ARHGAP24: variants seen among roughly 807,000 people sequenced by gnomAD.
ARHGAP24 encodes rho GTPase-activating protein 24.
In ARHGAP24, 50 loss-of-function variants were observed where a neutral mutation model predicts 76.4. The observed-to-expected ratio is 0.65, with a 90% CI of 0.52 to 0.83. The LOEUF is 0.83. ARHGAP24 is among the 40% of genes least tolerant of loss of function. The pLI is 0.00. For synonymous variants in ARHGAP24, 345 were observed against 323.3 expected, an observed-to-expected ratio of 1.07 and a Z score of -0.72; for missense variants, 930 against 914.2, an observed-to-expected ratio of 1.02 and a Z score of -0.22.
intron 3 of ARHGAP24, among the ~76,000 whole-genome samples, chr4:85,796,096 T>A (rs963411758): frequency 6.6e-6 from 1 of 152,054 alleles, no homozygotes; most frequent in East Asian, 1.9e-4. Context: ...GTTATCACAG[T>A]TTTTGCCATT....
At chr4:85,531,090 T>A (rs1034257426) in intron 1 of ARHGAP24, among the ~76,000 whole-genome samples, 1 of 152,132 alleles carries the variant, frequency 6.6e-6, no homozygotes, top group East Asian at 1.9e-4. Context: ...ATGTGTTAAG[T>A]GTATCTATGG....
chr4:85,699,320 A>T (rs2110024305), intron 2 of ARHGAP24, among the ~76,000 whole-genome samples: 1 of 152,336 alleles, frequency 6.6e-6, no homozygotes, highest in East Asian at 1.9e-4. Context: ...TTCAAACTGG[A>T]CAGTGGCTCA....
At chr4:85,623,337 C>G (rs1408351321) in intron 2 of ARHGAP24, among the ~76,000 whole-genome samples, 1 of 152,130 alleles carries the variant, frequency 6.6e-6, no homozygotes, top group Non-Finnish European at 1.5e-5. Flanking sequence ...TTCCCAGCAC[C>G]ATTTATTAAG....
At chr4:85,838,575 G>A (rs796568375) in intron 3 of ARHGAP24, among the ~76,000 whole-genome samples, 9 of 152,246 alleles carry the variant, frequency 5.9e-5, no homozygotes, top group African/African-American at 2.2e-4. Context: ...CTCCAGCCTG[G>A]GCGACAGAGC....
chr4:85,479,208 C>T (rs1441959264), intron 1 of ARHGAP24, among the ~76,000 whole-genome samples: 1 of 152,194 alleles, frequency 6.6e-6, no homozygotes, highest in Non-Finnish European at 1.5e-5. Context: ...CATACCACCC[C>T]ACACATGCCT....
At chr4:85,988,049 C>T (rs1334987687) in intron 8 of ARHGAP24, among the ~76,000 whole-genome samples, 1 of 151,730 alleles carries the variant, frequency 6.6e-6, no homozygotes, top group East Asian at 1.9e-4. Context: ...ATCTATTAAC[C>T]TAGATTTCTA....
chr4:85,629,945 C>T (rs1031569317), intron 2 of ARHGAP24, among the ~76,000 whole-genome samples: 2 of 151,988 alleles, frequency 1.3e-5, no homozygotes, highest in Admixed American at 6.6e-5. Context: ...TTTTCTTTCT[C>T]TGCTTCTTCT....
intron 5 of ARHGAP24, among the ~76,000 whole-genome samples, chr4:85,971,251 A>T (rs1447142180): frequency 1.3e-5 from 2 of 152,218 alleles, no homozygotes; most frequent in East Asian, 3.8e-4. Context: ...AATGAGTCCA[A>T]CATTTTGAGA....
intron 3 of ARHGAP24, among the ~76,000 whole-genome samples, chr4:85,831,949 T>C (rs1306440592): frequency 1.3e-5 from 2 of 151,466 alleles, no homozygotes; most frequent in Non-Finnish European, 2.9e-5. Context: ...TAAGTCTGTG[T>C]AAGAACTGTA....
At chr4:85,978,450 G>GA (rs1266218563) in intron 8 of ARHGAP24, among the ~76,000 whole-genome samples, 2 of 151,946 alleles carry the variant, frequency 1.3e-5, no homozygotes, top group Non-Finnish European at 2.9e-5. Flanking sequence ...TTACGTGTGA[G>GA]AAAAAAAGCT....
chr4:85,860,758 T>A (rs1731845008), intron 3 of ARHGAP24, among the ~76,000 whole-genome samples: 1 of 152,078 alleles, frequency 6.6e-6, no homozygotes, highest in African/African-American at 2.4e-5. Context: ...TCTTATCTAT[T>A]CATTAGTTAT....
chr4:85,987,711 TAAAA>T (rs1186440182), intron 8 of ARHGAP24, among the ~76,000 whole-genome samples: 4 of 151,860 alleles, frequency 2.6e-5, no homozygotes, highest in South Asian at 4.1e-4. Flanking sequence ...GGAGAAAACT[TAAAA>T]AGAATAAATT....
At chr4:85,487,195 A>G (rs982343946) in intron 1 of ARHGAP24, among the ~76,000 whole-genome samples, 2 of 136,620 alleles carry the variant, frequency 1.5e-5, no homozygotes, top group African/African-American at 2.7e-5. Flanking sequence ...ATATAAAAAT[A>G]TATATTTATT....
At chr4:85,553,295 G>A (rs1044565307) in intron 1 of ARHGAP24, among the ~76,000 whole-genome samples, 1 of 152,176 alleles carries the variant, frequency 6.6e-6, no homozygotes, top group Non-Finnish European at 1.5e-5. Context: ...GGGACCCGCA[G>A]TGGGTTGCCG....
chr4:85,999,996 C>A, intron 9 of ARHGAP24: 1 of 163,752 alleles, frequency 6.1e-6, no homozygotes, highest in Non-Finnish European at 1.3e-5. Flanking sequence ...TGCCAAAAAC[C>A]CCATTCTTAG....
At chr4:85,894,985 A>AC (rs1560701649) in intron 3 of ARHGAP24, among the ~76,000 whole-genome samples, 1 of 19,912 alleles carries the variant, frequency 5.0e-5, no homozygotes, top group Non-Finnish European at 1.1e-4. Context: ...AAAAAAAAAA[A>AC]AAACAAAACA....
intron 3 of ARHGAP24, among the ~76,000 whole-genome samples, chr4:85,920,139 T>C (rs952092210): frequency 5.9e-5 from 9 of 152,354 alleles, no homozygotes; most frequent in South Asian, 4.1e-4. Flanking sequence ...AGATTTAATA[T>C]CTCTGGGATC....
intron 2 of ARHGAP24, among the ~76,000 whole-genome samples, chr4:85,647,169 A>T (rs951939500): frequency 6.6e-6 from 1 of 152,102 alleles, no homozygotes; most frequent in Admixed American, 6.6e-5. Flanking sequence ...GTTGGTTTGC[A>T]TGGGAAGAAA....
chr4:85,833,211 C>T (rs1730083234), intron 3 of ARHGAP24, among the ~76,000 whole-genome samples: 1 of 152,144 alleles, frequency 6.6e-6, no homozygotes, highest in South Asian at 2.1e-4. Context: ...TGATCTCTGA[C>T]TTCCATTGAT....
Sources: gnomAD v4.1 joint callset for allele counts (sites outside exome capture counted in the v4.1 genomes callset) on GRCh38, gnomAD v4.1.1 for gene constraint, MANE v1.5 for transcripts, NCBI Gene and HGNC (gene_info 2026-07-23, HGNC 2026-07-21) for gene names.